Variants in WASHC3 observed in about 807,000 individuals in gnomAD.
The protein encoded by WASHC3 is WASH complex subunit CCDC53.
A neutral mutation model predicts 26.1 loss-of-function variants in WASHC3; 24 were observed. The observed-to-expected ratio is 0.92, with a 90% CI of 0.66 to 1.29. The LOEUF is 1.29. WASHC3 is among the 50% of genes most tolerant of loss of function. The probability of loss-of-function intolerance (pLI) is 0.00; values close to 1 mark genes in which losing one functional copy is unlikely to be tolerated. For synonymous variants in WASHC3, 77 were observed against 75.7 expected (o/e 1.02, Z -0.09); for missense variants, 214 against 229.6 (o/e 0.93, Z 0.44).
intron 5 of WASHC3, among the ~76,000 whole-genome samples, chr12:102,034,353 A>C (rs1031099259): frequency 6.6e-6 from 1 of 152,152 alleles, no homozygotes; most frequent in East Asian, 1.9e-4. Flanking sequence ...AAATTATAAT[A>C]GGTCTCTCGT....
At chr12:102,019,287 T>A in intron 6 of WASHC3, 1 of 292,160 alleles carries the variant, frequency 3.4e-6, no homozygotes, top group Non-Finnish European at 6.8e-6. Context: ...AGCAATACCA[T>A]CATTTCCAGG....
chr12:102,031,342 TA>T (rs927041387), intron 5 of WASHC3, among the ~76,000 whole-genome samples: 2 of 152,306 alleles, frequency 1.3e-5, no homozygotes, highest in South Asian at 2.1e-4. Context: ...ATGCATTTGA[TA>T]TAAGCTAGAA....
At chr12:102,042,369 C>T (rs925487273) in intron 4 of WASHC3, among the ~76,000 whole-genome samples, 10 of 152,028 alleles carry the variant, frequency 6.6e-5, no homozygotes, top group African/African-American at 2.4e-4. Flanking sequence ...AAATATATGG[C>T]TCTTTCTACA....
At chr12:102,025,130 G>C (rs1024666550) in intron 6 of WASHC3, among the ~76,000 whole-genome samples, 3 of 152,134 alleles carry the variant, frequency 2.0e-5, no homozygotes, top group Non-Finnish European at 4.4e-5. Flanking sequence ...TTGGAGGACT[G>C]AGAGCCAAGA....
At chr12:102,057,734 T>C (rs1268252546) in intron 2 of WASHC3, among the ~76,000 whole-genome samples, 1 of 151,882 alleles carries the variant, frequency 6.6e-6, no homozygotes, top group East Asian at 1.9e-4. Context: ...CTGAAAACTA[T>C]AACACATTGA....
chr12:102,059,972 T>C (rs1245172264), intron 2 of WASHC3, among the ~76,000 whole-genome samples: 1 of 152,248 alleles, frequency 6.6e-6, no homozygotes, highest in Non-Finnish European at 1.5e-5. Flanking sequence ...TACCAATTAC[T>C]ATATTTTACT....
intron 6 of WASHC3, among the ~76,000 whole-genome samples, chr12:102,025,464 A>C (rs1877136388): frequency 6.6e-6 from 1 of 152,082 alleles, no homozygotes; most frequent in South Asian, 2.1e-4. Context: ...ATTAGTATCT[A>C]GTTTCTTAAT....
In WASHC3 at chr12:102,046,123, TA is replaced by T. The variant is rs1565818987; in HGVS notation, c.151-5del. On this transcript the variant is annotated splice_region_variant and splice_polypyrimidine_tract_variant and intron_variant, in intron 2 of 6. Transcript: ENST00000240079. ...GAAGTGAAAGGTCTGCCAGTTTCTG[TA>T]AAAGAAAAATTAGAGACATAAAGAC... 6.4e-7 allele frequency: 1 copy of T among 1,567,570 alleles called. No individual in the cohort carries two copies. The highest frequency in any genetic ancestry group is 8.7e-7 in the Non-Finnish European group (1 of 1,145,852).
chr12:102,029,215 T>C (rs1194305681), intron 5 of WASHC3, among the ~76,000 whole-genome samples: 11 of 152,234 alleles, frequency 7.2e-5, no homozygotes, highest in Non-Finnish European at 1.6e-4. Flanking sequence ...CAAAAAGAAG[T>C]GTCCAATTTC....
chr12:102,050,733 G>T lies in WASHC3; in HGVS notation c.151-4614C>A, dbSNP rs556963214. ...GCACTCCTGTTTATAAAGTACCTTT[G>T]ACTTTAAAATTCACTATAAGGTTAA... On this transcript the variant is annotated intron_variant, in intron 2 of 6. Transcript: ENST00000240079. 17 of 371,448 alleles carry T rather than the reference G, an allele frequency of 4.6e-5. 1 individual carries two copies. The highest frequency in any genetic ancestry group is 3.9e-4 in the Middle Eastern group (1 of 2,578). The allele number at this position is 371,448 out of a possible 1,614,324, so 23.0% of individuals were successfully genotyped here. A position where few individuals can be genotyped will look rare whatever the true frequency, so the allele number is the denominator to read the frequency against.
At chr12:102,024,497 C>A (rs1296854825) in intron 6 of WASHC3, among the ~76,000 whole-genome samples, 6 of 152,090 alleles carry the variant, frequency 3.9e-5, no homozygotes, top group Non-Finnish European at 8.8e-5. Context: ...AGGAAGAAGA[C>A]AGAATCAAGG....
chr12:102,036,765 C>T (rs1026501554), intron 5 of WASHC3, among the ~76,000 whole-genome samples: 1 of 152,018 alleles, frequency 6.6e-6, no homozygotes, highest in Non-Finnish European at 1.5e-5. Flanking sequence ...ATACCCTCAC[C>T]GAAGGCAGAA....
At chr12:102,046,441 C>T (rs551909507) in intron 2 of WASHC3, among the ~76,000 whole-genome samples, 1 of 152,174 alleles carries the variant, frequency 6.6e-6, no homozygotes, top group Admixed American at 6.5e-5. Flanking sequence ...ACTACAGGCA[C>T]GTGCCACCAC....
chr12:102,061,218 G>T, intron 2 of WASHC3, 30 bp downstream of exon 2: 1 of 1,431,006 alleles, frequency 7.0e-7, no homozygotes, highest in Non-Finnish European at 9.8e-7. Context: ...ATTTCCAGGC[G>T]ACTCTATAAA....
intron 5 of WASHC3, among the ~76,000 whole-genome samples, chr12:102,030,583 T>G (rs891325643): frequency 6.6e-6 from 1 of 152,148 alleles, no homozygotes; most frequent in Non-Finnish European, 1.5e-5. Flanking sequence ...AAATATTTGG[T>G]AAACAACTAG....
At chr12:102,039,706 T>C (rs1433462220) in intron 5 of WASHC3, among the ~76,000 whole-genome samples, 162 bp downstream of exon 5, 1 of 152,140 alleles carries the variant, frequency 6.6e-6, no homozygotes, top group Non-Finnish European at 1.5e-5. Flanking sequence ...TCCTTTTTTT[T>C]TTTTAATCAG....
intron 5 of WASHC3, among the ~76,000 whole-genome samples, chr12:102,033,810 T>G (rs1384076740): frequency 1.3e-5 from 2 of 151,818 alleles, no homozygotes; most frequent in African/African-American, 4.8e-5. Flanking sequence ...AAAGCTGACA[T>G]GTAGGCTTCT....
In WASHC3 at chr12:102,061,194, A is replaced by G. The variant is rs1878794420; in HGVS notation, c.150+54T>C. ...TTGTTTTACTCCATTTGTCAGTCTCAGCAGTGAAAGGTGATTTCCAGGCGA... is the reference window on the plus strand; with the variant it reads ...TTGTTTTACTCCATTTGTCAGTCTCGGCAGTGAAAGGTGATTTCCAGGCGA... On this transcript the variant is annotated intron_variant, in intron 2 of 6. Coordinates refer to ENST00000240079, the MANE Select transcript of WASHC3 (RefSeq NM_016053.4). 5 of 1,146,360 alleles carry G rather than the reference A, an allele frequency of 4.4e-6. No individual in the cohort carries two copies. The East Asian group carries it at 9.4e-5, about 22-fold the overall frequency. 71.0% of individuals were successfully genotyped at this position (1,146,360 alleles called of 1,614,324 possible). A position where few individuals can be genotyped will look rare whatever the true frequency, so the allele number is the denominator to read the frequency against.
chr12:102,039,942 C>T lies in WASHC3; in HGVS notation c.361G>A (p.Glu121Lys). The T allele has an allele frequency of 6.2e-7, 1 of 1,601,980 alleles. No individual in the cohort carries two copies. The highest frequency in any genetic ancestry group is 8.6e-7 in the Non-Finnish European group (1 of 1,169,428). Residue 121 changes from glutamate (E) to lysine (K), a missense_variant, in exon 5 of 7, where the codon GAA (glutamate) becomes AAA (lysine). By Grantham distance (56) the Glu-to-Lys change is moderately conservative. Coordinates refer to ENST00000240079, the MANE Select transcript of WASHC3 (RefSeq NM_016053.4). The stretch of plus-strand genomic sequence containing the variant: ...GTTAAGATATTTTCTGCTGATACTT[C>T]ACTTTCCTGTAGTCCAGAGTCTTGT... ...STQDSGLQES[E>K]VSAENILTVA...
Sources: allele counts gnomAD v4.1 joint callset (sites outside exome capture counted in the v4.1 genomes callset), GRCh38; gene constraint gnomAD v4.1.1; transcripts MANE v1.5; gene names NCBI Gene and HGNC (gene_info 2026-07-23, HGNC 2026-07-21).